YY1: variants seen among roughly 807,000 people sequenced by gnomAD.
YY1 encodes YY1 transcription factor, also known as transcriptional repressor protein YY1.
A neutral mutation model predicts 35.6 loss-of-function variants in YY1; 2 were observed. That is an observed-to-expected ratio of 0.06 (90% CI 0.02 to 0.18). The LOEUF (loss-of-function observed/expected upper bound fraction) is 0.18. Ranked by LOEUF, YY1 falls within the 10% of genes least tolerant of loss-of-function variation. YY1 has a pLI of 1.00. For missense variants in YY1, 322 were observed against 573.4 expected (o/e 0.56, Z 4.48); for synonymous variants, 268 against 238.9 (o/e 1.12, Z -1.12).
In YY1 at chr14:100,265,898, C is replaced by T. The variant is rs147513900; in HGVS notation, c.842+3432C>T. ...TCCTAACCTCATGATCCACCCGCCT[C>T]GGCCTCCCAAAGGGCTGGGATTACA... On this transcript the variant is annotated intron_variant, in intron 2 of 4. Coordinates refer to ENST00000262238, the MANE Select transcript of YY1 (RefSeq NM_003403.5). Among the ~76,000 whole-genome samples, 1,461 of 152,250 alleles carry T rather than the reference C, an allele frequency of 9.6e-3. 17 individuals carry two copies. The highest frequency in any genetic ancestry group is 0.034 in the African/African-American group (1,401 of 41,556).
chr14:100,251,445 C>T (rs1416000355), intron 1 of YY1, among the ~76,000 whole-genome samples: 1 of 152,226 alleles, frequency 6.6e-6, no homozygotes, highest in African/African-American at 2.4e-5. Context: ...GCCTCTAGAA[C>T]TATAAGAGAA....
intron 1 of YY1, among the ~76,000 whole-genome samples, chr14:100,258,377 A>T (rs1891033222): frequency 6.6e-6 from 1 of 152,024 alleles, no homozygotes; most frequent in Non-Finnish European, 1.5e-5. Flanking sequence ...TTCGGAATAC[A>T]TCCAGCTATT....
chr14:100,270,720 G>A (rs1359109399), intron 2 of YY1, among the ~76,000 whole-genome samples: 2 of 152,106 alleles, frequency 1.3e-5, no homozygotes, highest in East Asian at 3.8e-4. Flanking sequence ...CCCCTTTTAG[G>A]TATGTATGTA....
chr14:100,256,584 A>G (rs1264066335), intron 1 of YY1, among the ~76,000 whole-genome samples: 1 of 152,220 alleles, frequency 6.6e-6, no homozygotes, highest in African/African-American at 2.4e-5. Context: ...AGTGAAATAA[A>G]CCAGGCATGG....
rs1207267692 is a variant in YY1, at chr14:100,239,724, C to T, written c.480C>T (p.Gly160=). Residue 160 remains glycine, a synonymous_variant, in exon 1 of 5, where the codon GGC becomes GGT. Transcript: ENST00000262238. ...LVTVAAAGKS[G]GGGSSSSGGG... is the part of the protein sequence containing the mutation. ...CCGTGGCGGCGGCCGGCAAGAGCGGCGGCGGCGGCTCGTCGTCGTCGGGAG... is the reference window on the plus strand; with the variant it reads ...CCGTGGCGGCGGCCGGCAAGAGCGGTGGCGGCGGCTCGTCGTCGTCGGGAG... The T allele has an allele frequency of 1.1e-5, 18 of 1,596,488 alleles. No homozygotes were observed. The highest frequency in any genetic ancestry group is 1.5e-5 in the Non-Finnish European group (18 of 1,176,034).
At position 100,281,061 on chromosome 14, in the gene YY1, C is replaced by CA. The variant is rs36009825; in HGVS notation, c.*3487dup. 9 of 100,892 alleles carry CA rather than the reference C, an allele frequency of 8.9e-5. No homozygotes were observed. The highest frequency in any genetic ancestry group is 4.4e-4 in the African/African-American group (9 of 20,594). 6.2% of individuals were successfully genotyped at this position (100,892 alleles called of 1,614,324 possible). A position where few individuals can be genotyped will look rare whatever the true frequency, so the allele number is the denominator to read the frequency against. On this transcript the variant is annotated 3_prime_UTR_variant, in exon 5 of 5. Coordinates refer to ENST00000262238, the MANE Select transcript of YY1 (RefSeq NM_003403.5). ...GGTGACAGAGCAAGACTCCGTCTCC[C>CA]AAAAAAAAAAAAAAAAAAAAAAAAA... is the stretch of plus-strand genomic sequence containing the variant.
intron 1 of YY1, among the ~76,000 whole-genome samples, chr14:100,248,121 C>T (rs9324017): frequency 1.8e-3 from 206 of 117,544 alleles, no homozygotes; most frequent in African/African-American, 2.9e-3. Context: ...ATTTTTTTTT[C>T]TTTTTTTTTT....
rs1242657682 is a variant in YY1, at chr14:100,278,635, T to C, written c.*1035T>C. On this transcript the variant is annotated 3_prime_UTR_variant, in exon 5 of 5. Transcript: ENST00000262238. ...ATTATTGATGAAAGCGATGCATGGATATTTTAATACTTCCTACATGTCCTG... is the reference window on the plus strand; with the variant it reads ...ATTATTGATGAAAGCGATGCATGGACATTTTAATACTTCCTACATGTCCTG... 1 of 152,264 alleles carries C rather than the reference T, an allele frequency of 6.6e-6. No homozygotes were observed. The highest frequency in any genetic ancestry group is 1.5e-5 in the Non-Finnish European group (1 of 68,054). 9.4% of individuals were successfully genotyped at this position (152,264 alleles called of 1,614,324 possible).
At chr14:100,268,334 G>A (rs1191732386) in intron 2 of YY1, among the ~76,000 whole-genome samples, 2 of 152,208 alleles carry the variant, frequency 1.3e-5, no homozygotes, top group African/African-American at 4.8e-5. Flanking sequence ...TAATTGGAAA[G>A]TCTGACATTG....
intron 2 of YY1, among the ~76,000 whole-genome samples, chr14:100,265,647 CTTT>C (rs10594089): frequency 0.022 from 2,312 of 104,474 alleles, 60 homozygotes; most frequent in African/African-American, 0.082. Flanking sequence ...AACACTGAAG[CTTT>C]TTTTTTTTTT....
In YY1 at chr14:100,252,878, GAAA is replaced by G. The variant is rs374460768; in HGVS notation, c.680-9418_680-9416del. On this transcript the variant is annotated intron_variant, in intron 1 of 4. Coordinates refer to ENST00000262238, the MANE Select transcript of YY1 (RefSeq NM_003403.5). ...CATAGTGAGACCCCATCTCTACCAGGAAAAAAAAAATCAACTGGGTGTGGTGGT... is the reference window on the plus strand; with the variant it reads ...CATAGTGAGACCCCATCTCTACCAGGAAAAAAATCAACTGGGTGTGGTGGT... Among the ~76,000 whole-genome samples, 5 of 149,872 alleles carry G rather than the reference GAAA, an allele frequency of 3.3e-5. No homozygotes were observed. In the South Asian group the frequency reaches 1.1e-3, roughly 32 times the overall value.
At chr14:100,249,252 C>T (rs1890885713) in intron 1 of YY1, among the ~76,000 whole-genome samples, 1 of 151,146 alleles carries the variant, frequency 6.6e-6, no homozygotes, top group Non-Finnish European at 1.5e-5. Context: ...TCCTGAGTAA[C>T]TGGGATTACA....
intron 2 of YY1, 140 bp downstream of exon 2, chr14:100,262,606 T>C: frequency 1.0e-6 from 1 of 989,600 alleles, no homozygotes; most frequent in Non-Finnish European, 1.5e-6. Context: ...CAGTCAGTTT[T>C]ATTTGTTTGT....
At chr14:100,266,758 A>G (rs1015960175) in intron 2 of YY1, among the ~76,000 whole-genome samples, 3 of 152,204 alleles carry the variant, frequency 2.0e-5, no homozygotes, top group African/African-American at 7.2e-5. Context: ...ATAATTAGAG[A>G]CAATAAAACA....
At chr14:100,248,365 G>A (rs149562196) in intron 1 of YY1, among the ~76,000 whole-genome samples, 9 of 151,918 alleles carry the variant, frequency 5.9e-5, no homozygotes, top group African/African-American at 2.2e-4. Flanking sequence ...CTCGTGATCC[G>A]CCCGCCTTGG....
At position 100,273,036 on chromosome 14, in the gene YY1, AC is replaced by A. The variant is rs530394084; in HGVS notation, c.843-1661del. 1.1e-3 allele frequency among the ~76,000 whole-genome samples: 163 copies of A among 143,116 alleles called. 1 individual carries two copies. The highest frequency in any genetic ancestry group is 0.011 in the Admixed American group (148 of 13,324). 93.9% of individuals were successfully genotyped at this position (143,116 alleles called of 152,430 possible). A position where few individuals can be genotyped will look rare whatever the true frequency, so the allele number is the denominator to read the frequency against. On this transcript the variant is annotated intron_variant, in intron 2 of 4. Transcript: ENST00000262238. ...GAGTGCAGTGGCACGATCCCGGCTCACGGCAACCTCCGCCTCTCTGGCTGAA... is the reference window on the plus strand; with the variant it reads ...GAGTGCAGTGGCACGATCCCGGCTCAGGCAACCTCCGCCTCTCTGGCTGAA...
chr14:100,248,787 A>G (rs1890876574), intron 1 of YY1, among the ~76,000 whole-genome samples: 1 of 145,804 alleles, frequency 6.9e-6, no homozygotes, highest in African/African-American at 2.6e-5. Flanking sequence ...TCCCGGGTTC[A>G]CACCATTCTC....
In YY1 at chr14:100,260,131, G is replaced by A. The variant is rs374604293; in HGVS notation, c.680-2173G>A. On this transcript the variant is annotated intron_variant, in intron 1 of 4. Coordinates refer to ENST00000262238, the MANE Select transcript of YY1 (RefSeq NM_003403.5). ...ACGGGGTCTTGCTCTGTTGCCCAGG[G>A]TGGAGTGCAATCTCGGCTCACTGCA... is the stretch of plus-strand genomic sequence containing the variant. Among the ~76,000 whole-genome samples, 216 of 152,056 alleles carry A rather than the reference G, an allele frequency of 1.4e-3. 1 individual carries two copies. Among genetic ancestry groups the A allele is most frequent in the African/African-American group, 4.8e-3 (201 of 41,490 alleles).
chr14:100,249,961 T>C (rs754862965), intron 1 of YY1, among the ~76,000 whole-genome samples: 6 of 151,950 alleles, frequency 3.9e-5, no homozygotes, highest in Non-Finnish European at 7.4e-5. Context: ...TTAGTAGAGA[T>C]GGGGTTTCTG....
Sources: gnomAD v4.1 joint callset for allele counts (sites outside exome capture counted in the v4.1 genomes callset) on GRCh38, gnomAD v4.1.1 for gene constraint, MANE v1.5 for transcripts, NCBI Gene and HGNC (gene_info 2026-07-23, HGNC 2026-07-21) for gene names.